Variants in MAST4 observed in about 807,000 individuals in gnomAD.
MAST4 encodes microtubule-associated serine/threonine-protein kinase 4.
MAST4 carries 89 observed loss-of-function variants against 162.7 expected under a neutral mutation model. That is an observed-to-expected ratio of 0.55 (90% CI 0.46 to 0.65). The LOEUF (loss-of-function observed/expected upper bound fraction) is 0.65. MAST4 is among the 30% of genes least tolerant of loss of function. The probability of loss-of-function intolerance (pLI) is 0.00; values close to 1 mark genes in which losing one functional copy is unlikely to be tolerated. For missense variants in MAST4, 3,153 were observed against 3,374.0 expected, an observed-to-expected ratio of 0.93 and a Z score of 1.62; for synonymous variants, 1,479 against 1,361.1, an observed-to-expected ratio of 1.09 and a Z score of -1.91.
intron 4 of MAST4, chr5:66,930,633 A>G (rs1742089592): frequency 2.2e-6 from 1 of 445,016 alleles, no homozygotes; most frequent in Non-Finnish European, 4.6e-6. Context: ...CTCAAGGAAT[A>G]AAAACTTCCC....
intron 4 of MAST4, among the ~76,000 whole-genome samples, chr5:66,988,025 T>A (rs1749703662): frequency 6.6e-6 from 1 of 152,250 alleles, no homozygotes; most frequent in African/African-American, 2.4e-5. Flanking sequence ...TTTGTTGTTT[T>A]GTGCCTAGCT....
intron 4 of MAST4, among the ~76,000 whole-genome samples, chr5:66,919,900 CCTTCCTT>C (rs1561445922): frequency 0.065 from 166 of 2,536 alleles, 1 homozygote; most frequent in African/African-American, 0.085. Flanking sequence ...TTTTCTCTCT[CCTTCCTT>C]CCTTCCTTCC....
Position 66,639,121 on chromosome 5 carries a change from C to G in MAST4, c.363+42103C>G, listed in dbSNP as rs150784153. The stretch of plus-strand genomic sequence containing the variant: ...GGTCTTGGCTTAATCCTGAGGAGCT[C>G]TAATTGGTAGGGGTTTGGAAGAAGG... On this transcript the variant is annotated intron_variant, in intron 1 of 28. Coordinates refer to ENST00000403625, the MANE Select transcript of MAST4 (RefSeq NM_001164664.2). Among the ~76,000 whole-genome samples the G allele has an allele frequency of 4.9e-3, 741 of 151,926 alleles. 2 individuals are homozygous for G. Among genetic ancestry groups the G allele is most frequent in the Admixed American group, 8.0e-3 (122 of 15,236 alleles).
chr5:66,769,425 T>C (rs918907339), intron 2 of MAST4, among the ~76,000 whole-genome samples: 3 of 152,158 alleles, frequency 2.0e-5, no homozygotes, highest in African/African-American at 7.2e-5. Flanking sequence ...GAAGAATGAC[T>C]GAAATGTTAA....
chr5:67,068,270 C>T (rs765046495), intron 5 of MAST4, among the ~76,000 whole-genome samples: 5 of 152,170 alleles, frequency 3.3e-5, no homozygotes, highest in Non-Finnish European at 5.9e-5. Context: ...TGAAGAAATA[C>T]TCGAGACTGG....
chr5:66,948,485 C>G (rs1168776801), intron 4 of MAST4, among the ~76,000 whole-genome samples: 1 of 152,116 alleles, frequency 6.6e-6, no homozygotes, highest in Non-Finnish European at 1.5e-5. Context: ...TGTTGTCCCC[C>G]TCCTCGCCAA....
intron 4 of MAST4, among the ~76,000 whole-genome samples, chr5:66,987,998 T>C (rs530350611): frequency 6.6e-6 from 1 of 152,102 alleles, no homozygotes; most frequent in Non-Finnish European, 1.5e-5. Flanking sequence ...TGCTTTATTT[T>C]AAAAAAAACT....
chr5:66,930,730 G>T, intron 4 of MAST4: 1 of 470,790 alleles, frequency 2.1e-6, no homozygotes, highest in South Asian at 1.5e-5. Flanking sequence ...ATTCTATCTG[G>T]GTTCACTGTC....
chr5:66,949,641 A>C (rs950021520), intron 4 of MAST4, among the ~76,000 whole-genome samples: 7 of 152,122 alleles, frequency 4.6e-5, no homozygotes, highest in Non-Finnish European at 7.4e-5. Context: ...GTATTTAATT[A>C]TTTTGGTCAC....
intron 4 of MAST4, among the ~76,000 whole-genome samples, chr5:66,999,604 T>C (rs1751049502): frequency 6.6e-6 from 1 of 152,240 alleles, no homozygotes; most frequent in African/African-American, 2.4e-5. Context: ...CTTCAGACTG[T>C]ATCCTTTACA....
chr5:67,025,264 A>G (rs1166922827), intron 4 of MAST4, among the ~76,000 whole-genome samples: 1 of 152,172 alleles, frequency 6.6e-6, no homozygotes, highest in Non-Finnish European at 1.5e-5. Flanking sequence ...CACATCAGAT[A>G]TCAAGATCTA....
In MAST4 at chr5:67,164,761, C is replaced by T. The variant is rs1045277159; in HGVS notation, c.5582C>T (p.Pro1861Leu). 7 of 1,613,908 alleles carry T rather than the reference C, an allele frequency of 4.3e-6. No homozygotes were observed. Among genetic ancestry groups the T allele is most frequent in the East Asian group, 2.2e-5 (1 of 44,896 alleles). The stretch of plus-strand genomic sequence containing the variant: ...ACCACCAGTGCAAGAGAGCTTTCTC[C>T]TTCCAGCTTAAAGATGAATAAATCC... ...NDTTSARELS[P>L]SSLKMNKSYL... Residue 1861 changes from proline to leucine, a missense_variant, in exon 29 of 29, where the codon CCT becomes CTT. By Grantham distance (98) the Pro-to-Leu change is moderately conservative (BLOSUM62 -3). Transcript: ENST00000403625. This position sits in a 1 kb window ranked among gnomAD's most constrained non-coding sequence, Gnocchi z 5.3.
chr5:66,632,783 G>T (rs1372591133), intron 1 of MAST4, among the ~76,000 whole-genome samples: 2 of 152,020 alleles, frequency 1.3e-5, no homozygotes, highest in African/African-American at 2.4e-5. Context: ...TGTAATTCAG[G>T]AATTGTTGAT....
At chr5:66,917,504 G>C (rs913793757) in intron 4 of MAST4, 1 of 151,690 alleles carries the variant, frequency 6.6e-6, no homozygotes, top group African/African-American at 2.4e-5. Context: ...AGGTCATGCA[G>C]ATATTCCCTT....
chr5:66,677,283 T>C (rs895027913), intron 1 of MAST4, among the ~76,000 whole-genome samples: 1 of 152,176 alleles, frequency 6.6e-6, no homozygotes, highest in Non-Finnish European at 1.5e-5. Flanking sequence ...TTGTAAAGGA[T>C]CCCCAAGTTA....
At chr5:66,713,103 A>G (rs1561280242) in intron 1 of MAST4, among the ~76,000 whole-genome samples, 1 of 152,152 alleles carries the variant, frequency 6.6e-6, no homozygotes, top group African/African-American at 2.4e-5. Context: ...TAGCAGAACA[A>G]TCTGCTTCTT....
intron 5 of MAST4, among the ~76,000 whole-genome samples, chr5:67,068,400 G>T (rs1425742595): frequency 6.6e-6 from 1 of 152,160 alleles, no homozygotes; most frequent in Non-Finnish European, 1.5e-5. Context: ...TCACAGGGCG[G>T]CAGGAAAGAG....
chr5:66,994,663 G>A (rs1420653591), intron 4 of MAST4, among the ~76,000 whole-genome samples: 3 of 152,190 alleles, frequency 2.0e-5, no homozygotes, highest in South Asian at 2.1e-4. Flanking sequence ...CAGCAGAAAC[G>A]TCGTCTTTAC....
intron 1 of MAST4, among the ~76,000 whole-genome samples, chr5:66,705,245 C>G (rs767378452): frequency 2.6e-5 from 4 of 152,160 alleles, no homozygotes; most frequent in Non-Finnish European, 5.9e-5. Flanking sequence ...GTGGTGCTGT[C>G]TGCATTTCCT....
Sources: allele counts gnomAD v4.1 joint callset (sites outside exome capture counted in the v4.1 genomes callset), GRCh38; gene constraint gnomAD v4.1.1; non-coding constraint Gnocchi (gnomAD v3.1); transcripts MANE v1.5; gene names NCBI Gene and HGNC (gene_info 2026-07-23, HGNC 2026-07-21).